CFAP299: variants seen among roughly 807,000 people sequenced by gnomAD.
CFAP299 encodes the protein cilia- and flagella-associated protein 299.
In CFAP299, 21 loss-of-function variants were observed where a neutral mutation model predicts 27.0. The observed-to-expected ratio is 0.78, with a 90% CI of 0.55 to 1.12. The LOEUF (loss-of-function observed/expected upper bound fraction) is 1.12, where lower values mean the gene tolerates loss of function less well. CFAP299 is among the 50% of genes most tolerant of loss of function. The pLI is 0.00. For missense variants in CFAP299, 310 were observed against 276.6 expected (o/e 1.12, Z -0.86); for synonymous variants, 104 against 98.1 (o/e 1.06, Z -0.36).
chr4:80,721,419 T>C (rs529714484), intron 3 of CFAP299, among the ~76,000 whole-genome samples: 1 of 152,304 alleles, frequency 6.6e-6, no homozygotes, highest in African/African-American at 2.4e-5. Context: ...GCTTCTCTCT[T>C]TGGCTTGTAT....
chr4:80,489,669 A>T (rs944151508), intron 2 of CFAP299, among the ~76,000 whole-genome samples: 19 of 152,286 alleles, frequency 1.2e-4, no homozygotes, highest in African/African-American at 3.8e-4. Context: ...ATACCTACCT[A>T]ACAGTGATAG....
intron 2 of CFAP299, among the ~76,000 whole-genome samples, chr4:80,371,915 T>A (rs1724169063): frequency 6.6e-6 from 1 of 152,206 alleles, no homozygotes; most frequent in Non-Finnish European, 1.5e-5. Flanking sequence ...ATTACCCAGT[T>A]CCAAAGCTGC....
rs1056542111 is a variant in CFAP299, at chr4:80,402,948, A to G, written c.242+40064A>G. On this transcript the variant is annotated intron_variant, in intron 2 of 5. Transcript: ENST00000358105. ...TGCAGGTTTGTCTTTATCAGAGTCT[A>G]AGTAGCCTGTTTAATTCACTCTAAA... Among the ~76,000 whole-genome samples the G allele has an allele frequency of 8.5e-5, 13 of 152,216 alleles. 1 individual carries two copies. Among genetic ancestry groups the G allele is most frequent in the Middle Eastern group, 3.2e-3 (1 of 316 alleles).
intron 2 of CFAP299, among the ~76,000 whole-genome samples, chr4:80,371,059 C>A (rs1458591191): frequency 6.6e-6 from 1 of 152,208 alleles, no homozygotes; most frequent in East Asian, 1.9e-4. Flanking sequence ...GGTTCCCAAG[C>A]CTCAACTCCT....
intron 3 of CFAP299, among the ~76,000 whole-genome samples, chr4:80,701,160 G>T (rs1721453281): frequency 6.6e-6 from 1 of 151,972 alleles, no homozygotes; most frequent in Non-Finnish European, 1.5e-5. Context: ...ACATTAGTGG[G>T]GGTTAGAATT....
At chr4:80,948,760 T>C (rs1442613314) in intron 5 of CFAP299, among the ~76,000 whole-genome samples, 1 of 152,018 alleles carries the variant, frequency 6.6e-6, no homozygotes, top group Non-Finnish European at 1.5e-5. Flanking sequence ...AAAAATGCCT[T>C]GCTAATGAAT....
intron 2 of CFAP299, among the ~76,000 whole-genome samples, chr4:80,466,561 G>A (rs1274293693): frequency 2.6e-5 from 4 of 151,996 alleles, no homozygotes; most frequent in African/African-American, 9.7e-5. Flanking sequence ...TTTCTGGACT[G>A]TTTACCAGCA....
intron 3 of CFAP299, among the ~76,000 whole-genome samples, chr4:80,664,034 G>T (rs773614889): frequency 6.6e-6 from 1 of 151,842 alleles, no homozygotes; most frequent in African/African-American, 2.4e-5. Context: ...CTGGATATTA[G>T]CCCTTTGTCA....
intron 2 of CFAP299, among the ~76,000 whole-genome samples, chr4:80,540,213 T>C (rs1458753615): frequency 6.6e-6 from 1 of 152,226 alleles, no homozygotes; most frequent in Admixed American, 6.5e-5. Flanking sequence ...CAGAGTAGAT[T>C]CTGTTGTTTA....
chr4:80,552,509 T>C (rs1048452045), intron 2 of CFAP299, among the ~76,000 whole-genome samples: 3 of 152,218 alleles, frequency 2.0e-5, no homozygotes, highest in African/African-American at 7.2e-5. Context: ...TTTATTTTAT[T>C]ATCTAGACTT....
chr4:80,537,254 G>A (rs1403614335), intron 2 of CFAP299, among the ~76,000 whole-genome samples: 2 of 151,966 alleles, frequency 1.3e-5, no homozygotes, highest in Non-Finnish European at 2.9e-5. Flanking sequence ...AATGGGTACA[G>A]CCATTATTAT....
At chr4:80,371,070 C>G (rs1489624621) in intron 2 of CFAP299, among the ~76,000 whole-genome samples, 1 of 152,218 alleles carries the variant, frequency 6.6e-6, no homozygotes, top group Non-Finnish European at 1.5e-5. Flanking sequence ...CTCAACTCCT[C>G]CATTCTGTGC....
intron 2 of CFAP299, among the ~76,000 whole-genome samples, chr4:80,468,994 A>G (rs575510887): frequency 6.6e-6 from 1 of 152,254 alleles, no homozygotes; most frequent in South Asian, 2.1e-4. Context: ...CTGGACCTAC[A>G]GAGACCTACA....
chr4:80,456,861 A>C (rs1163538750), intron 2 of CFAP299, among the ~76,000 whole-genome samples: 1 of 152,186 alleles, frequency 6.6e-6, no homozygotes, highest in African/African-American at 2.4e-5. Context: ...GAAGTTTGAC[A>C]GATGAGGAAG....
chr4:80,788,854 A>C (rs1560752325), intron 3 of CFAP299, among the ~76,000 whole-genome samples: 1 of 152,004 alleles, frequency 6.6e-6, no homozygotes, highest in Non-Finnish European at 1.5e-5. Flanking sequence ...TGTTTATTAG[A>C]AGTGGTTTAG....
At chr4:80,711,274 C>G (rs185293260) in intron 3 of CFAP299, among the ~76,000 whole-genome samples, 2 of 152,268 alleles carry the variant, frequency 1.3e-5, no homozygotes, top group East Asian at 3.9e-4. Context: ...GTAGCCAAGA[C>G]AAGGTGAACA....
At chr4:80,940,136 A>G (rs1055154014) in intron 4 of CFAP299, among the ~76,000 whole-genome samples, 1 of 152,106 alleles carries the variant, frequency 6.6e-6, no homozygotes, top group African/African-American at 2.4e-5. Flanking sequence ...GAGGTTTTCC[A>G]TAGAGCTCAC....
chr4:80,663,899 T>C (rs2109984778), intron 3 of CFAP299, among the ~76,000 whole-genome samples: 1 of 152,360 alleles, frequency 6.6e-6, no homozygotes, highest in Middle Eastern at 3.4e-3. Flanking sequence ...ATTATGAGTT[T>C]TTTTTCATAT....
chr4:80,475,738 A>AC (rs1730242518), intron 2 of CFAP299, among the ~76,000 whole-genome samples: 1 of 152,248 alleles, frequency 6.6e-6, no homozygotes, highest in Admixed American at 6.5e-5. Context: ...TCAGAAATAG[A>AC]TAAGTGTCGC....
Sources: allele counts gnomAD v4.1 joint callset (sites outside exome capture counted in the v4.1 genomes callset), GRCh38; gene constraint gnomAD v4.1.1; transcripts MANE v1.5; gene names NCBI Gene and HGNC (gene_info 2026-07-23, HGNC 2026-07-21).